The following PCDHGA5 variants were observed in gnomAD, a reference collection of about 807,000 sequenced individuals.
The protein encoded by PCDHGA5 is protocadherin gamma subfamily A, 5.
In PCDHGA5, 36 loss-of-function variants were observed where a neutral mutation model predicts 56.7. That is an observed-to-expected ratio of 0.64 (90% CI 0.49 to 0.84). The LOEUF (loss-of-function observed/expected upper bound fraction) is 0.84. Ranked by LOEUF, PCDHGA5 falls within the 40% of genes least tolerant of loss-of-function variation. PCDHGA5 has a pLI of 0.00. For synonymous variants in PCDHGA5, 563 were observed against 520.2 expected (o/e 1.08, Z -1.12); for missense variants, 1,305 against 1,201.5 (o/e 1.09, Z -1.27).
rs117623972 is a variant in PCDHGA5 at position 141,503,322 on chromosome 5, C to T, written c.2481-2071C>T. On this transcript the variant is annotated intron_variant, in intron 2 of 3. Transcript: ENST00000518069. Reference sequence around the variant, plus strand: ...GCTCAAGAAAGAATTGTTGGAGGGGCGCGGTGGCTCACGCCTGTAATTCCA... The same window carrying T: ...GCTCAAGAAAGAATTGTTGGAGGGGTGCGGTGGCTCACGCCTGTAATTCCA... Among the ~76,000 whole-genome samples, 216 of 152,126 alleles carry T rather than the reference C, an allele frequency of 1.4e-3. 8 individuals carry two copies. In the East Asian group the frequency reaches 0.038, roughly 27 times the overall value.
At chr5:141,385,355 G>A in intron 1 of PCDHGA5, 1 of 1,548,228 alleles carries the variant, frequency 6.5e-7, no homozygotes, top group Non-Finnish European at 8.7e-7. Flanking sequence ...TTTCCATGAG[G>A]AATTTATTTG....
At chr5:141,470,182 G>A (rs540599468) in intron 1 of PCDHGA5, among the ~76,000 whole-genome samples, 1 of 152,262 alleles carries the variant, frequency 6.6e-6, no homozygotes, top group Non-Finnish European at 1.5e-5. Context: ...AAATATTCAA[G>A]TAAACTTCAG....
intron 1 of PCDHGA5, chr5:141,422,047 A>G: frequency 6.2e-7 from 1 of 1,611,610 alleles, no homozygotes; most frequent in Non-Finnish European, 8.5e-7. Context: ...AGACGAGGGA[A>G]TCAACGGGGA....
At chr5:141,506,955 C>G (rs1387377785) in intron 3 of PCDHGA5, 1 of 152,244 alleles carries the variant, frequency 6.6e-6, no homozygotes, top group Non-Finnish European at 1.5e-5. Context: ...AATGAATCCT[C>G]TCAATAGCTC....
At chr5:141,446,493 T>C (rs1416449558) in intron 1 of PCDHGA5, among the ~76,000 whole-genome samples, 2 of 152,152 alleles carry the variant, frequency 1.3e-5, no homozygotes. Flanking sequence ...TTTTTTTTTT[T>C]TGAGATGGAG....
intron 1 of PCDHGA5, chr5:141,376,319 G>C: frequency 3.7e-6 from 6 of 1,614,220 alleles, no homozygotes; most frequent in Non-Finnish European, 4.2e-6. Context: ...CGTGGAAGGG[G>C]TTCGGGCTTT....
rs754140602 is a variant in PCDHGA5 at position 141,410,043 on chromosome 5, C to G, written c.2421+43292C>G. Reference sequence around the variant, plus strand: ...TACCACGTGCTGCAGGCCAGTGAGCCCGGACTCTTCAGCCTGGGGCTGCGC... The same window carrying G: ...TACCACGTGCTGCAGGCCAGTGAGCGCGGACTCTTCAGCCTGGGGCTGCGC... On this transcript the variant is annotated intron_variant, in intron 1 of 3. Transcript: ENST00000518069. 13 of 1,613,080 alleles carry G rather than the reference C, an allele frequency of 8.1e-6. No homozygotes were observed. The South Asian group carries it at 1.2e-4, about 15-fold the overall frequency.
chr5:141,484,962 G>A (rs2099604361), intron 1 of PCDHGA5: 1 of 577,858 alleles, frequency 1.7e-6, no homozygotes, highest in Non-Finnish European at 3.1e-6. Flanking sequence ...GGCTGAGCCC[G>A]GGAGCCGCTG....
chr5:141,384,708 G>A (rs1222018997), intron 1 of PCDHGA5: 3 of 1,613,998 alleles, frequency 1.9e-6, no homozygotes, highest in Non-Finnish European at 2.5e-6. Flanking sequence ...AGAACGCCTG[G>A]CTGTCATACC....
intron 1 of PCDHGA5, among the ~76,000 whole-genome samples, chr5:141,464,431 A>G (rs1352563675): frequency 6.6e-6 from 1 of 151,648 alleles, no homozygotes; most frequent in Non-Finnish European, 1.5e-5. Flanking sequence ...ATATAGATAT[A>G]TATGTTTGTT....
intron 1 of PCDHGA5, chr5:141,374,331 GC>G (rs1334948062): frequency 1.2e-6 from 2 of 1,614,024 alleles, no homozygotes; most frequent in Admixed American, 3.3e-5. Flanking sequence ...CGAAACGGCA[GC>G]TTGGTCACCG....
At chr5:141,502,139 C>G (rs923501238) in intron 2 of PCDHGA5, among the ~76,000 whole-genome samples, 1 of 152,104 alleles carries the variant, frequency 6.6e-6, no homozygotes, top group Non-Finnish European at 1.5e-5. Flanking sequence ...TCAGTCGGGC[C>G]GGAAGTAAGG....
chr5:141,405,204 A>G, intron 1 of PCDHGA5: 1 of 1,613,034 alleles, frequency 6.2e-7, no homozygotes. Flanking sequence ...GCTTTCCTAC[A>G]GACCTATTCT....
intron 1 of PCDHGA5, chr5:141,413,459 A>G: frequency 6.2e-7 from 1 of 1,614,080 alleles, no homozygotes; most frequent in Non-Finnish European, 8.5e-7. Flanking sequence ...GGCAGGATAG[A>G]CCGGGAGGAG....
chr5:141,419,878 G>T (rs1342215231), intron 1 of PCDHGA5: 1 of 1,613,942 alleles, frequency 6.2e-7, no homozygotes, highest in African/African-American at 1.3e-5. Context: ...AGGTACTGCC[G>T]GATTTCAGCG....
At chr5:141,374,840 G>A (rs766575793) in intron 1 of PCDHGA5, 4 of 1,613,792 alleles carry the variant, frequency 2.5e-6, no homozygotes, top group Non-Finnish European at 3.4e-6. Context: ...AAGTGTTCCT[G>A]AAAACCTGCC....
chr5:141,431,609 G>A lies in PCDHGA5; in HGVS notation c.2422-63198G>A. The A allele has an allele frequency of 6.2e-7, 1 of 1,614,232 alleles. No homozygotes were observed. The highest frequency in any genetic ancestry group is 8.5e-7 in the Non-Finnish European group (1 of 1,180,046). On this transcript the variant is annotated intron_variant, in intron 1 of 3. Coordinates refer to ENST00000518069, the MANE Select transcript of PCDHGA5 (RefSeq NM_018918.3). The surrounding 1 kb of genome is among the most constrained non-coding windows in gnomAD (Gnocchi z 4.8). ...GGAAGTGAGGTATTCCTTCCGGTAT[G>A]TGGACGACAAGGCGGCCCAAGTTTT...
At chr5:141,374,887 C>T (rs1248527882) in intron 1 of PCDHGA5, 1 of 1,613,670 alleles carries the variant, frequency 6.2e-7, no homozygotes. Flanking sequence ...CTGCCACCGA[C>T]CAGGATGAAG....
intron 1 of PCDHGA5, among the ~76,000 whole-genome samples, chr5:141,484,021 G>A (rs892390865): frequency 2.6e-5 from 4 of 151,080 alleles, no homozygotes; most frequent in African/African-American, 9.7e-5. Context: ...GGGGTGGGGT[G>A]AGATCAAGTC....
Sources: gnomAD v4.1 joint callset for allele counts (sites outside exome capture counted in the v4.1 genomes callset) on GRCh38, gnomAD v4.1.1 for gene constraint, Gnocchi (gnomAD v3.1) non-coding constraint, MANE v1.5 for transcripts, NCBI Gene and HGNC (gene_info 2026-07-23, HGNC 2026-07-21) for gene names.